Variants in RMDN2 observed in about 807,000 individuals in gnomAD.
RMDN2 encodes regulator of microtubule dynamics protein 2.
Under a neutral mutation model 52.8 loss-of-function variants are expected in RMDN2, and 61 were observed. The observed-to-expected ratio is 1.16, with a 90% CI of 0.94 to 1.43. The LOEUF (loss-of-function observed/expected upper bound fraction) is 1.43, where lower values mean the gene tolerates loss of function less well. Ranked by LOEUF, RMDN2 falls within the 40% of genes most tolerant of loss-of-function variation. The pLI is 0.00. For synonymous variants in RMDN2, 180 were observed against 153.1 expected, an observed-to-expected ratio of 1.18 and a Z score of -1.30; for missense variants, 592 against 475.3, an observed-to-expected ratio of 1.25 and a Z score of -2.28.
At chr2:37,974,489 T>G (rs1672210673) in intron 3 of RMDN2, among the ~76,000 whole-genome samples, 1 of 151,596 alleles carries the variant, frequency 6.6e-6, no homozygotes, top group Admixed American at 6.6e-5. Context: ...ATTTGATTTT[T>G]TTTTTTTACT....
At chr2:37,980,659 G>A (rs1284415327) in intron 4 of RMDN2, among the ~76,000 whole-genome samples, 1 of 152,094 alleles carries the variant, frequency 6.6e-6, no homozygotes, top group Non-Finnish European at 1.5e-5. Flanking sequence ...AAATAATTTG[G>A]GGGAATTATT....
At chr2:37,965,359 A>C (rs556715314) in intron 2 of RMDN2, among the ~76,000 whole-genome samples, 34 of 123,486 alleles carry the variant, frequency 2.8e-4, no homozygotes, top group Non-Finnish European at 5.5e-4. Flanking sequence ...TTTTTTAGTG[A>C]TATGTTTTGA....
intron 9 of RMDN2, 36 bp from the exon 10 acceptor site, chr2:38,004,100 G>A (rs377361031): frequency 1.1e-4 from 170 of 1,606,862 alleles, no homozygotes; most frequent in East Asian, 5.4e-4. Context: ...GCATAAAAAC[G>A]GATTATGTTT....
chr2:37,951,245 G>C (rs2124961165), intron 2 of RMDN2: 1 of 1,590,448 alleles, frequency 6.3e-7, no homozygotes, highest in Non-Finnish European at 8.5e-7. Context: ...GCTGCAAAGA[G>C]GACCAGAGCT....
At chr2:38,042,048 A>T (rs1272726879) in intron 10 of RMDN2, among the ~76,000 whole-genome samples, 1 of 152,186 alleles carries the variant, frequency 6.6e-6, no homozygotes, top group Non-Finnish European at 1.5e-5. Flanking sequence ...ACTGTCTGGT[A>T]CAATAACCAG....
intron 2 of RMDN2, chr2:37,951,999 C>T: frequency 1.2e-6 from 2 of 1,612,930 alleles, no homozygotes; most frequent in Non-Finnish European, 1.7e-6. Context: ...AGATCATTCT[C>T]CAATCATGAT....
intron 2 of RMDN2, among the ~76,000 whole-genome samples, chr2:37,958,357 T>G (rs1464748852): frequency 6.6e-6 from 1 of 151,474 alleles, no homozygotes; most frequent in East Asian, 1.9e-4. Context: ...AAGAAGTCCT[T>G]CACATCCCCT....
intron 3 of RMDN2, 120 bp from the exon 4 acceptor site, chr2:37,975,092 C>T: frequency 1.5e-6 from 1 of 673,268 alleles, no homozygotes; most frequent in Non-Finnish European, 2.7e-6. Context: ...TACATAGATT[C>T]AATAATCTAT....
At chr2:38,050,725 G>C (rs1014395693) in intron 10 of RMDN2, among the ~76,000 whole-genome samples, 1 of 152,148 alleles carries the variant, frequency 6.6e-6, no homozygotes, top group African/African-American at 2.4e-5. Flanking sequence ...TCATTACATG[G>C]TGGTTGTTTT....
At chr2:37,933,217 G>A (rs1666986360) in intron 2 of RMDN2, among the ~76,000 whole-genome samples, 1 of 151,864 alleles carries the variant, frequency 6.6e-6, no homozygotes, top group African/African-American at 2.4e-5. Context: ...ATGTGATGGT[G>A]GCCGGGAAGA....
At chr2:37,948,744 C>A (rs901581790) in intron 2 of RMDN2, among the ~76,000 whole-genome samples, 2 of 152,160 alleles carry the variant, frequency 1.3e-5, no homozygotes, top group Non-Finnish European at 2.9e-5. Context: ...AGATCTGGAT[C>A]TTCTTCCTCA....
At chr2:38,055,915 G>GA (rs960960509) in intron 10 of RMDN2, among the ~76,000 whole-genome samples, 2 of 151,982 alleles carry the variant, frequency 1.3e-5, no homozygotes, top group Non-Finnish European at 1.5e-5. Context: ...TGGATAACTG[G>GA]AAAAAAATCA....
chr2:37,985,582 G>T (rs1316530067), intron 5 of RMDN2, among the ~76,000 whole-genome samples: 2 of 152,130 alleles, frequency 1.3e-5, no homozygotes, highest in South Asian at 2.1e-4. Flanking sequence ...CAATCTGGGG[G>T]TGATTCTAGG....
chr2:38,027,872 T>C (rs1214519838), intron 10 of RMDN2, among the ~76,000 whole-genome samples: 1 of 152,220 alleles, frequency 6.6e-6, no homozygotes, highest in South Asian at 2.1e-4. Context: ...TAAGCCCTAA[T>C]TGGACTGCCA....
chr2:38,008,317 C>G (rs554903257), intron 10 of RMDN2, among the ~76,000 whole-genome samples: 14 of 152,196 alleles, frequency 9.2e-5, no homozygotes, highest in Middle Eastern at 3.4e-3. Context: ...GTTAAAGTCT[C>G]CCATTATTAC....
chr2:37,924,555 A>G (rs144703142), upstream of RMDN2, among the ~76,000 whole-genome samples: 114 of 152,104 alleles, frequency 7.5e-4, no homozygotes, highest in Middle Eastern at 3.4e-3. Context: ...TAGTAGAGAC[A>G]GGGGTTTCGC....
intron 2 of RMDN2, among the ~76,000 whole-genome samples, chr2:37,934,660 G>T (rs1667139709): frequency 6.6e-6 from 1 of 152,048 alleles, no homozygotes; most frequent in African/African-American, 2.4e-5. Context: ...GGTATATGGG[G>T]GAGTACTATT....
At chr2:37,933,751 G>T (rs1176323220) in intron 2 of RMDN2, among the ~76,000 whole-genome samples, 1 of 152,084 alleles carries the variant, frequency 6.6e-6, no homozygotes, top group Non-Finnish European at 1.5e-5. Context: ...CGGCATCAGA[G>T]GGAGACCGTG....
At chr2:37,994,419 A>G (rs1335611558) in intron 7 of RMDN2, among the ~76,000 whole-genome samples, 4 of 152,212 alleles carry the variant, frequency 2.6e-5, no homozygotes, top group Non-Finnish European at 5.9e-5. Context: ...GGCAGTCTTT[A>G]TAACATTACC....
Sources: gnomAD v4.1 joint callset for allele counts (sites outside exome capture counted in the v4.1 genomes callset) on GRCh38, gnomAD v4.1.1 for gene constraint, MANE v1.5 for transcripts, NCBI Gene and HGNC (gene_info 2026-07-23, HGNC 2026-07-21) for gene names.